The following RAP1GDS1 variants were observed in gnomAD, a reference collection of about 807,000 sequenced individuals.
RAP1GDS1 encodes Rap1 GTPase-GDP dissociation stimulator 1.
A neutral mutation model predicts 71.1 loss-of-function variants in RAP1GDS1; 35 were observed. That is an observed-to-expected ratio of 0.49 (90% confidence interval 0.38 to 0.65). The LOEUF (loss-of-function observed/expected upper bound fraction) is 0.65, where lower values mean the gene tolerates loss of function less well. Ranked by LOEUF, RAP1GDS1 falls within the 30% of genes least tolerant of loss-of-function variation. The probability of loss-of-function intolerance (pLI) is 0.00; values close to 1 mark genes in which losing one functional copy is unlikely to be tolerated. For synonymous variants in RAP1GDS1, 229 were observed against 243.1 expected (o/e 0.94, Z 0.54); for missense variants, 663 against 706.1 (o/e 0.94, Z 0.69).
At chr4:98,282,309 G>C (rs1232428905) in intron 1 of RAP1GDS1, among the ~76,000 whole-genome samples, 1 of 152,166 alleles carries the variant, frequency 6.6e-6, no homozygotes, top group African/African-American at 2.4e-5. Context: ...TCTATTCAGA[G>C]ATTCAGCTCC....
intron 4 of RAP1GDS1, among the ~76,000 whole-genome samples, chr4:98,353,052 G>T (rs900436458): frequency 1.6e-4 from 25 of 152,058 alleles, no homozygotes; most frequent in African/African-American, 5.8e-4. Context: ...AGCTAGATTG[G>T]CCCATTACAT....
chr4:98,271,605 G>A (rs1050354645), intron 1 of RAP1GDS1, among the ~76,000 whole-genome samples: 2 of 151,940 alleles, frequency 1.3e-5, no homozygotes, highest in African/African-American at 4.8e-5. Context: ...TAATTCTTCT[G>A]TTTTAGTATA....
At chr4:98,367,234 C>T (rs1739630650) in intron 4 of RAP1GDS1, among the ~76,000 whole-genome samples, 1 of 152,196 alleles carries the variant, frequency 6.6e-6, no homozygotes, top group South Asian at 2.1e-4. Flanking sequence ...AGGGTGGAAG[C>T]CCCAAGCCTT....
intron 12 of RAP1GDS1, 100 bp downstream of exon 12, chr4:98,421,494 A>C (rs1433998225): frequency 1.6e-6 from 2 of 1,220,522 alleles, no homozygotes; most frequent in African/African-American, 3.1e-5. Flanking sequence ...TTTACCTGAA[A>C]GTATTGTGAA....
intron 14 of RAP1GDS1, among the ~76,000 whole-genome samples, chr4:98,438,247 T>A (rs1751412614): frequency 6.6e-6 from 1 of 151,838 alleles, no homozygotes; most frequent in Non-Finnish European, 1.5e-5. Flanking sequence ...TGTTTTTTTA[T>A]TATTACTATT....
intron 1 of RAP1GDS1, 136 bp from the exon 2 acceptor site, chr4:98,293,272 C>T (rs1469255691): frequency 3.5e-6 from 2 of 574,078 alleles, no homozygotes; most frequent in African/African-American, 1.9e-5. Flanking sequence ...AGTCTAATGC[C>T]ATTTTGGAAT....
intron 3 of RAP1GDS1, among the ~76,000 whole-genome samples, chr4:98,343,869 C>T (rs530051511): frequency 6.6e-6 from 1 of 151,946 alleles, no homozygotes; most frequent in East Asian, 1.9e-4. Flanking sequence ...TAATTCAGTC[C>T]GTTTGAGAAA....
intron 2 of RAP1GDS1, among the ~76,000 whole-genome samples, chr4:98,313,028 C>A (rs917929136): frequency 7.2e-6 from 1 of 139,314 alleles, no homozygotes; most frequent in Admixed American, 7.7e-5. Context: ...GAGATCACAC[C>A]ACTGCACTCC....
intron 1 of RAP1GDS1, among the ~76,000 whole-genome samples, chr4:98,285,409 A>G (rs751299204): frequency 3.3e-5 from 5 of 152,294 alleles, no homozygotes; most frequent in Admixed American, 1.3e-4. Flanking sequence ...TTTATGATAA[A>G]TTTTACCAGT....
At chr4:98,361,844 A>G (rs1271879873) in intron 4 of RAP1GDS1, among the ~76,000 whole-genome samples, 2 of 152,202 alleles carry the variant, frequency 1.3e-5, no homozygotes, top group African/African-American at 2.4e-5. Flanking sequence ...CAAAATTGCA[A>G]ATTGCATGCT....
At position 98,434,069 on chromosome 4, in the gene RAP1GDS1, A is replaced by T; in HGVS notation, c.1567+7A>T. ...ATAGCAGCTTTAGAATTGGGTAAGT[A>T]CCCCAGTGACAAACTTATTTTCTTC... is the stretch of plus-strand genomic sequence containing the variant. On this transcript the variant is annotated splice_region_variant and intron_variant, in intron 13 of 14. Transcript: ENST00000408927. The T allele has an allele frequency of 6.2e-7, 1 of 1,611,298 alleles. No homozygotes were observed.
At chr4:98,398,601 C>T (rs1578733833) in intron 6 of RAP1GDS1, among the ~76,000 whole-genome samples, 3 of 151,950 alleles carry the variant, frequency 2.0e-5, no homozygotes, top group Admixed American at 2.0e-4. Flanking sequence ...ATCAATTAGG[C>T]AAGGAAGAAA....
chr4:98,350,988 G>A (rs1246688837), intron 3 of RAP1GDS1, among the ~76,000 whole-genome samples: 1 of 152,190 alleles, frequency 6.6e-6, no homozygotes, highest in Non-Finnish European at 1.5e-5. Context: ...TCCAGTCTGG[G>A]TGATAGGGTG....
intron 12 of RAP1GDS1, among the ~76,000 whole-genome samples, chr4:98,423,075 G>A (rs548276974): frequency 1.3e-5 from 2 of 152,320 alleles, no homozygotes; most frequent in South Asian, 2.1e-4. Context: ...TTAACTATCC[G>A]TTGAGGGGAC....
chr4:98,381,534 TG>T (rs763734183), intron 5 of RAP1GDS1, among the ~76,000 whole-genome samples: 2 of 151,668 alleles, frequency 1.3e-5, no homozygotes, highest in African/African-American at 2.4e-5. Flanking sequence ...TGACTCAGAT[TG>T]TTTGGTATTG....
chr4:98,314,576 C>A (rs1730683258), intron 2 of RAP1GDS1, among the ~76,000 whole-genome samples: 1 of 152,126 alleles, frequency 6.6e-6, no homozygotes, highest in African/African-American at 2.4e-5. Flanking sequence ...TTTGTATAAG[C>A]CTCTTTCATT....
intron 1 of RAP1GDS1, among the ~76,000 whole-genome samples, chr4:98,265,507 T>TA (rs1177210334): frequency 6.6e-6 from 1 of 152,122 alleles, no homozygotes; most frequent in East Asian, 1.9e-4. Flanking sequence ...TGAAACTAGA[T>TA]AAAAAATAGT....
chr4:98,309,460 A>G (rs576288321), intron 2 of RAP1GDS1, among the ~76,000 whole-genome samples: 3 of 152,056 alleles, frequency 2.0e-5, no homozygotes, highest in African/African-American at 7.2e-5. Context: ...TGAATTATGA[A>G]TATATGTGAA....
In RAP1GDS1 at chr4:98,313,234, G is replaced by A. The variant is rs188459979; in HGVS notation, c.112+19719G>A. On this transcript the variant is annotated intron_variant, in intron 2 of 14. Coordinates refer to ENST00000408927, the MANE Select transcript of RAP1GDS1 (RefSeq NM_001100427.2). ...GTTAGCAGAATTTCTTCTTATTTGGGTAAGGTGTGTTGTTTATTCTGTTCA... is the reference window on the plus strand; with the variant it reads ...GTTAGCAGAATTTCTTCTTATTTGGATAAGGTGTGTTGTTTATTCTGTTCA... Among the ~76,000 whole-genome samples the A allele has an allele frequency of 1.2e-4, 18 of 152,164 alleles. No homozygotes were observed. The East Asian group carries it at 3.1e-3, about 26-fold the overall frequency.
Sources: gnomAD v4.1 joint callset for allele counts (sites outside exome capture counted in the v4.1 genomes callset) on GRCh38, gnomAD v4.1.1 for gene constraint, MANE v1.5 for transcripts, NCBI Gene and HGNC (gene_info 2026-07-23, HGNC 2026-07-21) for gene names.